The following BCO2 variants were observed in gnomAD, a reference collection of about 807,000 sequenced individuals.
BCO2 encodes beta-carotene oxygenase 2.
Under a neutral mutation model 65.8 loss-of-function variants are expected in BCO2, and 56 were observed. The ratio of observed to expected loss-of-function variants is 0.85; its 90% CI spans 0.69 to 1.06. The LOEUF is 1.06. BCO2 is among the 50% of genes least tolerant of loss of function. BCO2 has a pLI of 0.00. For synonymous variants in BCO2, 233 were observed against 242.3 expected (o/e 0.96, Z 0.36); for missense variants, 675 against 698.5 (o/e 0.97, Z 0.38).
At chr11:112,185,831 G>A (rs1038133165) in intron 2 of BCO2, among the ~76,000 whole-genome samples, 2 of 152,140 alleles carry the variant, frequency 1.3e-5, no homozygotes, top group African/African-American at 4.8e-5. Flanking sequence ...ATGGCATTAA[G>A]TAGATTCATA....
chr11:112,190,656 A>G (rs1488418673), intron 2 of BCO2, among the ~76,000 whole-genome samples: 2 of 152,138 alleles, frequency 1.3e-5, no homozygotes, highest in African/African-American at 2.4e-5. Flanking sequence ...GGAGATCGAG[A>G]CCATCCTGGC....
chr11:112,204,232 C>G (rs116824687), intron 8 of BCO2, among the ~76,000 whole-genome samples: 5 of 152,176 alleles, frequency 3.3e-5, no homozygotes, highest in Non-Finnish European at 1.5e-5. Context: ...TTGTAGCAGA[C>G]GTCAGGATCT....
At chr11:112,194,309 T>A in intron 4 of BCO2, 1 of 410,744 alleles carries the variant, frequency 2.4e-6, no homozygotes, top group Non-Finnish European at 4.3e-6. Flanking sequence ...CTGGAGGTTG[T>A]CTATACCTGT....
In BCO2 at chr11:112,199,768, A is replaced by C; in HGVS notation, c.806A>C (p.Gln269Pro). The C allele has an allele frequency of 6.2e-7, 1 of 1,613,822 alleles. No individual in the cohort carries two copies. Among genetic ancestry groups the C allele is most frequent in the Non-Finnish European group, 8.5e-7 (1 of 1,179,710 alleles). The stretch of plus-strand genomic sequence containing the variant: ...CTTGGGGAGACAATCCATGGAGTCC[A>C]GGTGATATGTTCTATTGCTTCTACA... ...VDLGETIHGVQVICSIASTEK... is the reference protein window; with the variant it reads ...VDLGETIHGVPVICSIASTEK... Residue 269 changes from glutamine to proline, a missense_variant, in exon 6 of 12, where the codon CAG becomes CCG. By Grantham distance (76) the Gln-to-Pro change is moderately conservative. Coordinates refer to ENST00000357685, the MANE Select transcript of BCO2 (RefSeq NM_031938.7).
Position 112,175,556 on chromosome 11 carries a change from C to G in BCO2, c.-46C>G. The G allele has an allele frequency of 7.0e-7, 1 of 1,424,956 alleles. No homozygotes were observed. The highest frequency in any genetic ancestry group is 9.9e-7 in the Non-Finnish European group (1 of 1,008,436). The allele number at this position is 1,424,956 out of a possible 1,614,324, so 88.3% of individuals were successfully genotyped here. On this transcript the variant is annotated 5_prime_UTR_variant, in exon 1 of 12. Coordinates refer to ENST00000357685, the MANE Select transcript of BCO2 (RefSeq NM_031938.7). ...CACTGTTTAGTAGTACTCAAAACTG[C>G]CAGTGTGAGAGGATTTGGAAATCAC...
intron 5 of BCO2, among the ~76,000 whole-genome samples, chr11:112,198,241 T>G (rs1229734216): frequency 6.6e-6 from 1 of 152,014 alleles, no homozygotes; most frequent in Non-Finnish European, 1.5e-5. Flanking sequence ...GAGGATTGCT[T>G]GAGACCAGGA....
chr11:112,211,543 T>A (rs1859512632), intron 8 of BCO2, among the ~76,000 whole-genome samples: 1 of 152,204 alleles, frequency 6.6e-6, no homozygotes, highest in South Asian at 2.1e-4. Flanking sequence ...ACAACCAAAC[T>A]ATTTTTCTAC....
At position 112,214,890 on chromosome 11, in the gene BCO2, G is replaced by A. The variant is rs367795381; in HGVS notation, c.1461G>A (p.Arg487=). ...ATTTCTTTTATGGCTGTGGCTTTCGGCATTTAGTGGGGGATTCTCTGATCA... is the reference window on the plus strand; with the variant it reads ...ATTTCTTTTATGGCTGTGGCTTTCGACATTTAGTGGGGGATTCTCTGATCA... ...KYHFFYGCGF[R]HLVGDSLIKV... The change falls in exon 10 of 12, where the codon CGG becomes CGA. Residue 487 remains arginine (R), a synonymous_variant. Transcript: ENST00000357685. 2.6e-4 allele frequency: 415 copies of A among 1,614,050 alleles called. No individual in the cohort carries two copies. Among genetic ancestry groups the A allele is most frequent in the Non-Finnish European group, 3.2e-4 (375 of 1,180,038 alleles).
chr11:112,211,484 A>G (rs1004965939), intron 8 of BCO2, among the ~76,000 whole-genome samples: 4 of 152,284 alleles, frequency 2.6e-5, no homozygotes, highest in African/African-American at 9.6e-5. Flanking sequence ...GTATATATCT[A>G]GAAGTGGAAT....
At chr11:112,182,709 G>A (rs568685466) in intron 2 of BCO2, among the ~76,000 whole-genome samples, 2 of 151,922 alleles carry the variant, frequency 1.3e-5, no homozygotes, top group Admixed American at 1.3e-4. Context: ...GTCATGGGGT[G>A]GGGGGAGCAC....
intron 2 of BCO2, among the ~76,000 whole-genome samples, chr11:112,191,756 T>C (rs939153617): frequency 5.3e-5 from 8 of 152,114 alleles, no homozygotes; most frequent in African/African-American, 1.9e-4. Context: ...ATTGTGATAT[T>C]GGTGCAAGAA....
chr11:112,195,664 G>A (rs1438061219), intron 5 of BCO2, among the ~76,000 whole-genome samples: 1 of 151,308 alleles, frequency 6.6e-6, no homozygotes, highest in Non-Finnish European at 1.5e-5. Flanking sequence ...GGCTGGTCTT[G>A]AACTCCTGAC....
chr11:112,189,078 G>A (rs1867292480), intron 2 of BCO2, among the ~76,000 whole-genome samples: 1 of 152,148 alleles, frequency 6.6e-6, no homozygotes, highest in Non-Finnish European at 1.5e-5. Flanking sequence ...AAATGACAAT[G>A]GAGAAGAAAT....
chr11:112,213,131 C>CTTTTTTTTTTTTT lies in BCO2; in HGVS notation c.1195-576_1195-564dup, dbSNP rs35527541. Among the ~76,000 whole-genome samples the CTTTTTTTTTTTTT allele has an allele frequency of 5.2e-4, 33 of 63,114 alleles. 3 individuals carry two copies. The highest frequency in any genetic ancestry group is 2.1e-3 in the African/African-American group (28 of 13,376). 41.4% of individuals were successfully genotyped at this position (63,114 alleles called of 152,430 possible). On this transcript the variant is annotated intron_variant, in intron 8 of 11. Transcript: ENST00000357685. ...TGTTTATTTGATGCTAATTAAATAA[C>CTTTTTTTTTTTTT]TTTTTTTTTTTTTTTTTTTTTTTTT... is the stretch of plus-strand genomic sequence containing the variant.
chr11:112,189,493 C>T (rs934481975), intron 2 of BCO2, among the ~76,000 whole-genome samples: 1 of 151,654 alleles, frequency 6.6e-6, no homozygotes, highest in African/African-American at 2.4e-5. Context: ...GCAAGCTCCA[C>T]CTCCCGGGTT....
chr11:112,180,667 G>A, intron 2 of BCO2: 1 of 720,052 alleles, frequency 1.4e-6, no homozygotes, highest in Non-Finnish European at 2.6e-6. Context: ...GCGAAGGGAG[G>A]CGAATCCAAG....
intron 8 of BCO2, among the ~76,000 whole-genome samples, chr11:112,207,210 G>A (rs1237183984): frequency 1.3e-5 from 2 of 152,156 alleles, no homozygotes; most frequent in Non-Finnish European, 2.9e-5. Context: ...GAATAGAAGT[G>A]CAAGATAGTG....
At chr11:112,204,831 C>A (rs1462657914) in intron 8 of BCO2, among the ~76,000 whole-genome samples, 1 of 152,092 alleles carries the variant, frequency 6.6e-6, no homozygotes, top group Non-Finnish European at 1.5e-5. Context: ...TGCCACCATG[C>A]CCGTTGTATT....
Position 112,179,344 on chromosome 11 carries a change from C to A in BCO2, c.155C>A (p.Pro52Gln). The A allele has an allele frequency of 6.2e-7, 1 of 1,614,164 alleles. No individual in the cohort carries two copies. The highest frequency in any genetic ancestry group is 8.5e-7 in the Non-Finnish European group (1 of 1,180,040). ...GTCTTTGGGCAGTGTCGGGGTCTGC[C>A]ATGTGTTGCACCGCTGCTGACCACA... ...KAVFGQCRGL[P>Q]CVAPLLTTVE... The change falls in exon 2 of 12, where the codon CCA becomes CAA. Residue 52 changes from proline to glutamine, a missense_variant. Pro to Gln is a moderately conservative substitution (Grantham distance 76, BLOSUM62 -1). Coordinates refer to ENST00000357685, the MANE Select transcript of BCO2 (RefSeq NM_031938.7).
Sources: allele counts gnomAD v4.1 joint callset (sites outside exome capture counted in the v4.1 genomes callset), GRCh38; gene constraint gnomAD v4.1.1; transcripts MANE v1.5; gene names NCBI Gene and HGNC (gene_info 2026-07-23, HGNC 2026-07-21).